The following SPATA13 variants were observed in gnomAD, a reference collection of about 807,000 sequenced individuals.
The protein encoded by SPATA13 is spermatogenesis-associated protein 13.
In SPATA13, 50 loss-of-function variants were observed where a neutral mutation model predicts 104.0. The observed-to-expected ratio is 0.48, with a 90% CI of 0.38 to 0.61. The LOEUF is 0.61. SPATA13 is among the 20% of genes least tolerant of loss of function. The probability of loss-of-function intolerance (pLI) is 0.00; values close to 1 mark genes in which losing one functional copy is unlikely to be tolerated. For synonymous variants in SPATA13, 606 were observed against 667.5 expected, an observed-to-expected ratio of 0.91 and a Z score of 1.42; for missense variants, 1,524 against 1,690.6, an observed-to-expected ratio of 0.90 and a Z score of 1.73.
chr13:23,998,587 T>C (rs931808683), intron 2 of SPATA13, among the ~76,000 whole-genome samples: 15 of 152,224 alleles, frequency 9.9e-5, no homozygotes, highest in African/African-American at 3.1e-4. Flanking sequence ...TGAAATCCAG[T>C]TTGTCAGTTG....
At chr13:24,216,124 C>T (rs1486920625) in intron 1 of SPATA13, among the ~76,000 whole-genome samples, 1 of 152,188 alleles carries the variant, frequency 6.6e-6, no homozygotes, top group Non-Finnish European at 1.5e-5. Context: ...AGCTCAGAGG[C>T]TGTCACTGTG....
chr13:24,054,561 T>C (rs1756728528), intron 3 of SPATA13, among the ~76,000 whole-genome samples: 1 of 152,044 alleles, frequency 6.6e-6, no homozygotes, highest in Non-Finnish European at 1.5e-5. Context: ...AAATTAACTT[T>C]GACATGTAGC....
Position 24,223,400 on chromosome 13 carries a change from G to A in SPATA13, c.471G>A (p.Gln157=). 1 of 1,551,306 alleles carries A rather than the reference G, an allele frequency of 6.4e-7. No homozygotes were observed. Residue 157 remains glutamine, a synonymous_variant, in exon 2 of 13, where the codon CAG becomes CAA. Transcript: ENST00000382108. ...SIPNGAVPGA[Q]ASRGSPLAPG... is the part of the protein sequence containing the mutation. Reference sequence around the variant, plus strand: ...CAAATGGCGCTGTCCCAGGAGCCCAGGCAAGCAGGGGCTCCCCCTTAGCAC... The same window carrying A: ...CAAATGGCGCTGTCCCAGGAGCCCAAGCAAGCAGGGGCTCCCCCTTAGCAC...
chr13:24,180,427 T>G (rs1470384961), intron 1 of SPATA13, among the ~76,000 whole-genome samples: 3 of 152,232 alleles, frequency 2.0e-5, no homozygotes, highest in Non-Finnish European at 4.4e-5. Flanking sequence ...TTAGGAAGTC[T>G]AAAATCTCAA....
Position 24,223,006 on chromosome 13 carries a change from G to A in SPATA13, c.77G>A (p.Gly26Asp), listed in dbSNP as rs1871688398. 3 of 1,551,262 alleles carry A rather than the reference G, an allele frequency of 1.9e-6. No homozygotes were observed. Among genetic ancestry groups the A allele is most frequent in the Non-Finnish European group, 2.6e-6 (3 of 1,146,686 alleles). ...ACTGCCCCAAACGGCCTCGGGCCAG[G>A]CCCCGCAGCCCCCTGTGCAGGCTCG... ...MTTAPNGLGP[G>D]PAAPCAGSDL... The change falls in exon 2 of 13, where the codon GGC becomes GAC. Residue 26 changes from glycine to aspartate, a missense_variant. Transcript: ENST00000382108.
chr13:24,239,554 G>GATCACTTGAACC (rs1872729991), intron 2 of SPATA13, among the ~76,000 whole-genome samples: 2 of 151,734 alleles, frequency 1.3e-5, no homozygotes, highest in African/African-American at 4.9e-5. Flanking sequence ...AATTAGCCAG[G>GATCACTTGAACC]CGTGGTGGTG....
chr13:24,261,258 G>A (rs147553826), intron 4 of SPATA13, among the ~76,000 whole-genome samples: 198 of 152,334 alleles, frequency 1.3e-3, no homozygotes, highest in Non-Finnish European at 2.0e-3. Flanking sequence ...TAATTGTCTG[G>A]ATGTTTGGGG....
At chr13:24,043,922 A>C (rs1878029600) in intron 3 of SPATA13, among the ~76,000 whole-genome samples, 1 of 152,232 alleles carries the variant, frequency 6.6e-6, no homozygotes, top group Non-Finnish European at 1.5e-5. Flanking sequence ...ACTGCTCCCC[A>C]ACCTTGGGAA....
chr13:24,272,309 A>T (rs1411202194), intron 4 of SPATA13, among the ~76,000 whole-genome samples: 1 of 152,194 alleles, frequency 6.6e-6, no homozygotes, highest in Non-Finnish European at 1.5e-5. Context: ...GAGAAACAGC[A>T]TGCCAGAATC....
chr13:24,017,030 G>A (rs533587928), intron 2 of SPATA13, among the ~76,000 whole-genome samples: 1 of 152,342 alleles, frequency 6.6e-6, no homozygotes, highest in South Asian at 2.1e-4. Context: ...GAGGTAGTGA[G>A]GAGCGCCCGA....
In SPATA13 at chr13:24,122,442, G is replaced by A. The variant is rs543660605; in HGVS notation, c.-111-100377G>A. ...CATCATCTTCTTACCAGTCTTCATCGTCTCCATCTTCACCAGCCTGCTTAG... is the reference window on the plus strand; with the variant it reads ...CATCATCTTCTTACCAGTCTTCATCATCTCCATCTTCACCAGCCTGCTTAG... On this transcript the variant is annotated intron_variant, in intron 3 of 14. Coordinates refer to the SPATA13 transcript ENST00000424834. The A allele has an allele frequency of 1.3e-5, 21 of 1,598,728 alleles. No individual in the cohort carries two copies. The Admixed American group carries it at 2.3e-4, about 18-fold the overall frequency.
intron 1 of SPATA13, among the ~76,000 whole-genome samples, chr13:24,188,286 C>A (rs1244416372): frequency 1.3e-5 from 2 of 151,684 alleles, no homozygotes; most frequent in East Asian, 3.9e-4. Context: ...GAGTCGAGAT[C>A]ATGTCACTGC....
chr13:24,076,226 A>C (rs571855221), intron 3 of SPATA13, among the ~76,000 whole-genome samples: 109 of 152,282 alleles, frequency 7.2e-4, no homozygotes, highest in African/African-American at 2.5e-3. Flanking sequence ...AAGAACTGCC[A>C]CAGGTGCAGT....
intron 3 of SPATA13, among the ~76,000 whole-genome samples, chr13:24,124,651 G>T (rs1881149225): frequency 6.6e-6 from 1 of 152,188 alleles, no homozygotes; most frequent in South Asian, 2.1e-4. Context: ...CTTGACAGAA[G>T]TTTCCAAGTT....
chr13:24,306,166 A>G lies in SPATA13; in HGVS notation c.*3393A>G, dbSNP rs1262215496. The G allele has an allele frequency of 6.6e-6, 1 of 152,242 alleles. No individual in the cohort carries two copies. The highest frequency in any genetic ancestry group is 2.4e-5 in the African/African-American group (1 of 41,456). 9.4% of individuals were successfully genotyped at this position (152,242 alleles called of 1,614,324 possible). ...TATTCAGAAAATCCCCCCATCCTACATGACTGTTATCTAGACATAAAGCAA... is the reference window on the plus strand; with the variant it reads ...TATTCAGAAAATCCCCCCATCCTACGTGACTGTTATCTAGACATAAAGCAA... On this transcript the variant is annotated 3_prime_UTR_variant, in exon 13 of 13. Coordinates refer to ENST00000382108, the MANE Select transcript of SPATA13 (RefSeq NM_001166271.3).
At chr13:24,284,405 C>CT (rs1870751735) in intron 5 of SPATA13, 134 bp downstream of exon 5, 1 of 1,017,264 alleles carries the variant, frequency 9.8e-7, no homozygotes, top group Admixed American at 2.9e-5. Flanking sequence ...TAAAACAACA[C>CT]TGTGATTCAC....
At position 24,278,914 on chromosome 13, in the gene SPATA13, TTCC is replaced by T; in HGVS notation, c.2165-5219_2165-5217del. On this transcript the variant is annotated intron_variant, in intron 4 of 12. Coordinates refer to ENST00000382108, the MANE Select transcript of SPATA13 (RefSeq NM_001166271.3). ...CTTCCTTCCTTCCTTCCTTCCTTCC[TTCC>T]TTCCTTCCCTCTTTCCTTCCTTCCT... The T allele has an allele frequency of 5.7e-6, 7 of 1,232,930 alleles. No individual in the cohort carries two copies. In the South Asian group the frequency reaches 1.0e-4, roughly 18 times the overall value. The allele number at this position is 1,232,930 out of a possible 1,614,324, so 76.4% of individuals were successfully genotyped here.
chr13:24,208,850 G>T (rs1003336680), intron 1 of SPATA13, among the ~76,000 whole-genome samples: 2 of 152,232 alleles, frequency 1.3e-5, no homozygotes, highest in African/African-American at 4.8e-5. Context: ...TTGAAGTCAA[G>T]TGAGAGTCTC....
At position 24,280,831 on chromosome 13, in the gene SPATA13, C is replaced by T. The variant is rs546265132; in HGVS notation, c.2165-3304C>T. Among the ~76,000 whole-genome samples, 14 of 152,270 alleles carry T rather than the reference C, an allele frequency of 9.2e-5. No individual in the cohort carries two copies. In the South Asian group the frequency reaches 2.7e-3, roughly 29 times the overall value. ...CCCCCAACCCACCCCCAAACTCACA[C>T]ACCAGCAAAGCATACTAGACTAGGT... On this transcript the variant is annotated intron_variant, in intron 4 of 12. Coordinates refer to ENST00000382108, the MANE Select transcript of SPATA13 (RefSeq NM_001166271.3).
Sources: allele counts gnomAD v4.1 joint callset (sites outside exome capture counted in the v4.1 genomes callset), GRCh38; gene constraint gnomAD v4.1.1; transcripts MANE v1.5; gene names NCBI Gene and HGNC (gene_info 2026-07-23, HGNC 2026-07-21).